PRKG1: variants seen among roughly 807,000 people sequenced by gnomAD.
PRKG1 encodes cGMP-dependent protein kinase 1.
In PRKG1, 35 loss-of-function variants were observed where a neutral mutation model predicts 88.1. The ratio of observed to expected loss-of-function variants is 0.40; its 90% confidence interval spans 0.30 to 0.53. PRKG1 has a LOEUF of 0.53. Among genes scored for constraint, PRKG1 ranks in the 20% least tolerant of loss-of-function variants. The pLI is 0.59. For missense variants in PRKG1, 540 were observed against 839.8 expected (o/e 0.64, Z 4.41); for synonymous variants, 303 against 292.5 (o/e 1.04, Z -0.37).
intron 2 of PRKG1, among the ~76,000 whole-genome samples, chr10:51,284,147 G>T (rs74133557): frequency 0.075 from 11,482 of 152,148 alleles, 1,420 homozygotes; most frequent in African/African-American, 0.26. Context: ...TTTTCAAATT[G>T]CTCACATTAA....
intron 3 of PRKG1, among the ~76,000 whole-genome samples, chr10:51,761,338 G>A (rs1838017274): frequency 6.6e-6 from 1 of 152,130 alleles, no homozygotes. Flanking sequence ...CTTCCTTTTT[G>A]TTATGGTGGA....
intron 2 of PRKG1, among the ~76,000 whole-genome samples, chr10:51,154,041 T>G (rs1846144137): frequency 6.6e-6 from 1 of 151,944 alleles, no homozygotes; most frequent in South Asian, 2.1e-4. Context: ...AGAAAGTGAG[T>G]GCAGAAATAC....
chr10:51,521,937 G>C (rs1841746892), intron 3 of PRKG1, among the ~76,000 whole-genome samples: 1 of 151,922 alleles, frequency 6.6e-6, no homozygotes, highest in African/African-American at 2.4e-5. Context: ...TTTTTTCTTT[G>C]TAATCATTTA....
chr10:52,137,039 A>T (rs1335958975), intron 8 of PRKG1, among the ~76,000 whole-genome samples: 4 of 152,120 alleles, frequency 2.6e-5, no homozygotes, highest in African/African-American at 9.7e-5. Context: ...TGCTGCTGAT[A>T]TCTAATTTAT....
chr10:51,870,152 C>T (rs1007442701), intron 4 of PRKG1, among the ~76,000 whole-genome samples: 9 of 152,086 alleles, frequency 5.9e-5, no homozygotes, highest in East Asian at 1.9e-4. Flanking sequence ...TGACCTTAAA[C>T]GCTTTAGCTT....
At chr10:51,132,198 C>T (rs919460839) in intron 1 of PRKG1, among the ~76,000 whole-genome samples, 4 of 152,094 alleles carry the variant, frequency 2.6e-5, no homozygotes, top group Admixed American at 1.3e-4. Flanking sequence ...CATCACTTAT[C>T]CTGATTTACA....
At chr10:51,779,519 G>T (rs557873998) in intron 3 of PRKG1, among the ~76,000 whole-genome samples, 1 of 152,246 alleles carries the variant, frequency 6.6e-6, no homozygotes. Flanking sequence ...TCATAAAACA[G>T]TATGTTTCCT....
At chr10:52,267,242 A>G (rs1171400478) in intron 10 of PRKG1, among the ~76,000 whole-genome samples, 1 of 126,038 alleles carries the variant, frequency 7.9e-6, no homozygotes, top group Non-Finnish European at 1.9e-5. Context: ...TAACTGACTC[A>G]GAGTTTACTT....
At chr10:52,290,167 A>T in intron 16 of PRKG1, 57 bp from the exon 17 acceptor site, 1 of 1,486,018 alleles carries the variant, frequency 6.7e-7, no homozygotes, top group Non-Finnish European at 9.4e-7. Flanking sequence ...TATACACTGC[A>T]ATGAGAAGCT....
intron 5 of PRKG1, among the ~76,000 whole-genome samples, chr10:51,933,739 A>G (rs1280929859): frequency 6.6e-6 from 1 of 152,130 alleles, no homozygotes; most frequent in African/African-American, 2.4e-5. Context: ...GATTAAATAA[A>G]ATGATTAGAA....
chr10:52,165,059 G>A (rs549460213), intron 9 of PRKG1, among the ~76,000 whole-genome samples: 1 of 152,082 alleles, frequency 6.6e-6, no homozygotes, highest in African/African-American at 2.4e-5. Context: ...TGATGAAAAA[G>A]TCTAAAACCT....
At chr10:52,109,860 T>C (rs536971795) in intron 7 of PRKG1, among the ~76,000 whole-genome samples, 2 of 152,104 alleles carry the variant, frequency 1.3e-5, no homozygotes, top group African/African-American at 4.8e-5. Context: ...TATAGCAGTG[T>C]CAAAGAGCTT....
chr10:51,024,485 C>G (rs545886933), intron 1 of PRKG1, among the ~76,000 whole-genome samples: 1 of 151,986 alleles, frequency 6.6e-6, no homozygotes, highest in Non-Finnish European at 1.5e-5. Context: ...TTTATAATAA[C>G]CTATGGCATA....
At chr10:51,564,363 G>C (rs1232224696) in intron 3 of PRKG1, among the ~76,000 whole-genome samples, 1 of 152,034 alleles carries the variant, frequency 6.6e-6, no homozygotes, top group Non-Finnish European at 1.5e-5. Context: ...AAATAAAAAG[G>C]CCTAGAGTTT....
At chr10:51,944,147 A>C (rs1313959149) in intron 5 of PRKG1, among the ~76,000 whole-genome samples, 1 of 152,048 alleles carries the variant, frequency 6.6e-6, no homozygotes. Flanking sequence ...TTATTGGTCT[A>C]TTCAGAGAGT....
intron 7 of PRKG1, among the ~76,000 whole-genome samples, chr10:52,098,519 T>C (rs1376453000): frequency 1.3e-5 from 2 of 151,982 alleles, no homozygotes; most frequent in Non-Finnish European, 2.9e-5. Context: ...GAAAGACAGA[T>C]GTGTAAATAG....
chr10:51,907,376 ATT>A (rs34697221), intron 4 of PRKG1, 129 bp from the exon 5 acceptor site: 5,075 of 528,920 alleles, frequency 9.6e-3, no homozygotes, highest in East Asian at 0.035. Flanking sequence ...TGGCTAATGC[ATT>A]TTTTTTTTTT....
intron 9 of PRKG1, among the ~76,000 whole-genome samples, chr10:52,227,781 A>G (rs1840425294): frequency 6.6e-6 from 1 of 152,152 alleles, no homozygotes; most frequent in Non-Finnish European, 1.5e-5. Flanking sequence ...TAACAACAAA[A>G]CATAGAACTT....
chr10:51,281,615 C>G (rs1474031556), intron 2 of PRKG1, among the ~76,000 whole-genome samples: 1 of 152,160 alleles, frequency 6.6e-6, no homozygotes. Flanking sequence ...TCTGTAGACT[C>G]CACCTCTGGG....
Sources: gnomAD v4.1 joint callset for allele counts (sites outside exome capture counted in the v4.1 genomes callset) on GRCh38, gnomAD v4.1.1 for gene constraint, MANE v1.5 for transcripts, NCBI Gene and HGNC (gene_info 2026-07-23, HGNC 2026-07-21) for gene names.